NXPE2: variants seen among roughly 807,000 people sequenced by gnomAD.
NXPE2 encodes the protein neurexophilin and PC-esterase domain family member 2.
A neutral mutation model predicts 34.4 loss-of-function variants in NXPE2; 34 were observed. The observed-to-expected ratio is 0.99, with a 90% CI of 0.75 to 1.31. The LOEUF is 1.31. NXPE2 is among the 40% of genes most tolerant of loss of function. The pLI, the probability that NXPE2 is intolerant of heterozygous loss-of-function variation, is 0.00. For synonymous variants in NXPE2, 235 were observed against 231.3 expected, an observed-to-expected ratio of 1.02 and a Z score of -0.15; for missense variants, 649 against 672.5, an observed-to-expected ratio of 0.97 and a Z score of 0.39.
the NXPE2 span, among the ~76,000 whole-genome samples, chr11:114,779,891 A>G: frequency 2.0e-5 from 3 of 152,124 alleles, no homozygotes; most frequent in African/African-American, 7.2e-5. Context: ...ACGAAAAAGA[A>G]GGAGTCTTCT....
At chr11:114,583,016 C>T in the NXPE2 span, 5 of 1,605,492 alleles carry the variant, frequency 3.1e-6, no homozygotes, top group Non-Finnish European at 4.3e-6. Flanking sequence ...TTAGAGCAGA[C>T]CAAACCTGAA....
At chr11:114,792,748 T>C in the NXPE2 span, among the ~76,000 whole-genome samples, 1 of 152,166 alleles carries the variant, frequency 6.6e-6, no homozygotes, top group East Asian at 1.9e-4. Flanking sequence ...AATCCTCTTA[T>C]ATCAATTATT....
At chr11:114,584,979 A>G in the NXPE2 span, among the ~76,000 whole-genome samples, 1 of 152,024 alleles carries the variant, frequency 6.6e-6, no homozygotes, top group Non-Finnish European at 1.5e-5. Context: ...ACAGAAGACA[A>G]AATCCTGAAA....
the NXPE2 span, among the ~76,000 whole-genome samples, chr11:114,740,081 G>A: frequency 6.6e-6 from 1 of 152,036 alleles, no homozygotes; most frequent in African/African-American, 2.4e-5. Context: ...CTATGATAAA[G>A]TTTAATATAT....
At chr11:114,561,355 G>A in the NXPE2 span, among the ~76,000 whole-genome samples, 1 of 152,120 alleles carries the variant, frequency 6.6e-6, no homozygotes, top group Non-Finnish European at 1.5e-5. Flanking sequence ...TAACGTCCAC[G>A]ATGTCCATCC....
the NXPE2 span, among the ~76,000 whole-genome samples, chr11:114,634,507 C>T: frequency 2.0e-5 from 3 of 152,040 alleles, no homozygotes; most frequent in Admixed American, 6.6e-5. Context: ...GTTGCTATTG[C>T]TTTTGGTGTT....
chr11:114,616,450 ACT>A, the NXPE2 span, among the ~76,000 whole-genome samples: 1 of 151,744 alleles, frequency 6.6e-6, no homozygotes, highest in Non-Finnish European at 1.5e-5. Context: ...TAGTGTAACC[ACT>A]GTTACCCAAT....
the NXPE2 span, among the ~76,000 whole-genome samples, chr11:114,586,452 C>T: frequency 6.6e-6 from 1 of 152,080 alleles, no homozygotes; most frequent in Admixed American, 6.6e-5. Context: ...AAAATCAAAC[C>T]AAATACTGGG....
chr11:114,660,675 A>T, the NXPE2 span, among the ~76,000 whole-genome samples: 1 of 152,114 alleles, frequency 6.6e-6, no homozygotes, highest in Non-Finnish European at 1.5e-5. Flanking sequence ...GAAAGACTGA[A>T]TGCTTTGCCC....
intron 4 of NXPE2, among the ~76,000 whole-genome samples, chr11:114,704,740 C>G (rs1410862369): frequency 6.6e-6 from 1 of 152,114 alleles, no homozygotes; most frequent in East Asian, 1.9e-4. Flanking sequence ...AACATAAACA[C>G]AAATAAATCA....
the NXPE2 span, among the ~76,000 whole-genome samples, chr11:114,778,378 C>A: frequency 6.6e-6 from 1 of 152,142 alleles, no homozygotes; most frequent in Non-Finnish European, 1.5e-5. Flanking sequence ...AATGACGAGA[C>A]AGCATCAGAG....
chr11:114,698,869 T>G, intron 3 of NXPE2, 91 bp downstream of exon 3: 5 of 1,213,446 alleles, frequency 4.1e-6, no homozygotes, highest in South Asian at 1.6e-5. Flanking sequence ...TTTTGTATCA[T>G]GTCAATTATG....
chr11:114,582,597 T>C, the NXPE2 span: 25 of 1,614,038 alleles, frequency 1.5e-5, no homozygotes, highest in Non-Finnish European at 1.9e-5. Flanking sequence ...CAGAGAGACC[T>C]GGCCCTCCCA....
At chr11:114,638,231 T>C in the NXPE2 span, among the ~76,000 whole-genome samples, 3 of 152,104 alleles carry the variant, frequency 2.0e-5, no homozygotes, top group Non-Finnish European at 4.4e-5. Flanking sequence ...TCATCACTGA[T>C]ACACTTTCTT....
chr11:114,475,591 G>A, the NXPE2 span, among the ~76,000 whole-genome samples: 1 of 151,948 alleles, frequency 6.6e-6, no homozygotes, highest in African/African-American at 2.4e-5. Flanking sequence ...CATCCTTTTT[G>A]CCACAACCAC....
downstream of NXPE2, among the ~76,000 whole-genome samples, chr11:114,711,074 G>C (rs1173562000): frequency 6.6e-6 from 1 of 151,988 alleles, no homozygotes; most frequent in Non-Finnish European, 1.5e-5. Context: ...AATAAACTAT[G>C]AATAGAGGGA....
At chr11:114,684,399 CAT>C (rs763660543) in intron 2 of NXPE2, among the ~76,000 whole-genome samples, 25 of 151,570 alleles carry the variant, frequency 1.6e-4, no homozygotes, top group Non-Finnish European at 2.9e-4. Context: ...TGCACTCCAG[CAT>C]GGGCAACAGA....
chr11:114,795,150 G>A, the NXPE2 span, among the ~76,000 whole-genome samples: 1,386 of 152,286 alleles, frequency 9.1e-3, 17 homozygotes, highest in African/African-American at 0.03. Context: ...TAAATAGCAC[G>A]CCTCTGTATA....
At chr11:114,639,873 A>T in the NXPE2 span, among the ~76,000 whole-genome samples, 2 of 54,818 alleles carry the variant, frequency 3.6e-5, no homozygotes, top group African/African-American at 1.9e-4. Flanking sequence ...ATTTTATATT[A>T]AATATAAAAT....
Sources: allele counts gnomAD v4.1 joint callset (sites outside exome capture counted in the v4.1 genomes callset), GRCh38; gene constraint gnomAD v4.1.1; transcripts MANE v1.5; gene names NCBI Gene and HGNC (gene_info 2026-07-23, HGNC 2026-07-21).